Variants in TYW2 observed in about 807,000 individuals in gnomAD.
TYW2 encodes the protein tRNA wybutosine-synthesizing protein 2 homolog.
chr8:124,451,393 C>G, the TYW2 span: 7 of 1,613,994 alleles, frequency 4.3e-6, no homozygotes, highest in Non-Finnish European at 4.2e-6. Flanking sequence ...GTGGAAAAAT[C>G]TGGGACCGGA....
At chr8:124,451,334 G>C in the TYW2 span, 6 of 1,614,152 alleles carry the variant, frequency 3.7e-6, no homozygotes, top group Admixed American at 3.3e-5. Flanking sequence ...TCATGGCAAC[G>C]GCATGGTAAT....
the TYW2 span, chr8:124,452,544 G>T: frequency 2.4e-6 from 1 of 422,736 alleles, no homozygotes; most frequent in Non-Finnish European, 4.4e-6. Flanking sequence ...CCTCAGTTCT[G>T]GAATTGAAGT....
At chr8:124,451,315 T>A in the TYW2 span, 1 of 1,614,164 alleles carries the variant, frequency 6.2e-7, no homozygotes. Flanking sequence ...GGAGGCTGAT[T>A]TGCCCCGATC....
At chr8:124,450,920 C>T in the TYW2 span, 1 of 1,608,946 alleles carries the variant, frequency 6.2e-7, no homozygotes, top group East Asian at 2.2e-5. Context: ...TGGAGTATCG[C>T]TGAGGTGATG....
chr8:124,452,029 A>G, the TYW2 span: 1 of 1,614,160 alleles, frequency 6.2e-7, no homozygotes, highest in Non-Finnish European at 8.5e-7. Flanking sequence ...GCAAATTACC[A>G]CCAACCAATG....
the TYW2 span, chr8:124,451,357 A>G: frequency 6.2e-7 from 1 of 1,614,112 alleles, no homozygotes; most frequent in Non-Finnish European, 8.5e-7. Context: ...CTTGTTGCTG[A>G]GTGAAGACTG....
At chr8:124,452,511 C>G in the TYW2 span, 1 of 491,630 alleles carries the variant, frequency 2.0e-6, no homozygotes, top group Non-Finnish European at 3.7e-6. Context: ...CTCATCTGTG[C>G]AATTATGAAT....
chr8:124,452,717 T>C, the TYW2 span: 1 of 172,314 alleles, frequency 5.8e-6, no homozygotes, highest in Non-Finnish European at 1.4e-5. Flanking sequence ...GAAAATTGAC[T>C]GAAGGAGGGC....
the TYW2 span, chr8:124,450,928 A>G: frequency 6.2e-7 from 1 of 1,612,028 alleles, no homozygotes; most frequent in Non-Finnish European, 8.5e-7. Flanking sequence ...CGCTGAGGTG[A>G]TGAGAGAGAA....
the TYW2 span, chr8:124,452,297 T>G: frequency 6.2e-7 from 1 of 1,605,884 alleles, no homozygotes; most frequent in Non-Finnish European, 8.5e-7. Flanking sequence ...CTGGGACACA[T>G]GGGATCCACG....
chr8:124,451,119 G>C, the TYW2 span: 2 of 1,614,100 alleles, frequency 1.2e-6, no homozygotes, highest in South Asian at 1.1e-5. Context: ...TGCTGGGAGA[G>C]ACGCTTCCAG....
At chr8:124,451,696 G>GGT in the TYW2 span, 3 of 1,614,064 alleles carry the variant, frequency 1.9e-6, no homozygotes, top group Non-Finnish European at 2.5e-6. Context: ...AGTTCATGCT[G>GGT]GTGCTGCCTT....
At chr8:124,452,619 G>A in the TYW2 span, 3 of 260,472 alleles carry the variant, frequency 1.2e-5, no homozygotes, top group Admixed American at 5.0e-5. Context: ...ACTGTCTCAC[G>A]TGACTATTAA....
At chr8:124,451,738 G>A in the TYW2 span, 3 of 1,614,172 alleles carry the variant, frequency 1.9e-6, no homozygotes, top group Non-Finnish European at 2.5e-6. Context: ...TCCCCATGCT[G>A]TAGTTGCTCT....
the TYW2 span, chr8:124,452,411 G>C: frequency 1.2e-6 from 1 of 802,336 alleles, no homozygotes; most frequent in Non-Finnish European, 1.9e-6. Flanking sequence ...GCAGGCTCTA[G>C]ATCAATTCAA....
chr8:124,450,934 G>A, the TYW2 span: 3 of 1,613,106 alleles, frequency 1.9e-6, no homozygotes, highest in Non-Finnish European at 2.5e-6. Flanking sequence ...GGTGATGAGA[G>A]AGAATGTGGT....
chr8:124,451,469 C>T, the TYW2 span: 4 of 1,614,166 alleles, frequency 2.5e-6, no homozygotes. Context: ...CGGGTATCAC[C>T]GGATGGTACT....
At chr8:124,452,332 G>T in the TYW2 span, 2 of 1,549,890 alleles carry the variant, frequency 1.3e-6, no homozygotes, top group South Asian at 1.2e-5. Flanking sequence ...AAATGTATCA[G>T]TTCAGTCCAG....
chr8:124,451,464 A>T, the TYW2 span: 5 of 1,614,184 alleles, frequency 3.1e-6, no homozygotes, highest in Non-Finnish European at 4.2e-6. Flanking sequence ...GAGGGCGGGT[A>T]TCACCGGATG....
Sources: allele counts gnomAD v4.1 joint callset, GRCh38; gene constraint gnomAD v4.1.1; transcripts MANE v1.5; gene names NCBI Gene and HGNC (gene_info 2026-07-23, HGNC 2026-07-21).